MGA: variants seen among roughly 807,000 people sequenced by gnomAD.
MGA encodes the protein MAX gene-associated protein.
In MGA, 40 loss-of-function variants were observed where a neutral mutation model predicts 261.1. The ratio of observed to expected loss-of-function variants is 0.15; its 90% CI spans 0.12 to 0.20. MGA has a LOEUF of 0.20. Ranked by LOEUF, MGA falls within the 10% of genes least tolerant of loss-of-function variation. MGA has a pLI of 1.00. For missense variants in MGA, 3,397 were observed against 3,630.5 expected, an observed-to-expected ratio of 0.94 and a Z score of 1.65; for synonymous variants, 1,302 against 1,290.6, an observed-to-expected ratio of 1.01 and a Z score of -0.19.
At chr15:41,741,942 C>T (rs1473590244) in intron 14 of MGA, among the ~76,000 whole-genome samples, 1 of 151,692 alleles carries the variant, frequency 6.6e-6, no homozygotes, top group Non-Finnish European at 1.5e-5. Context: ...GAACTCCTGA[C>T]CTCGTGATCT....
chr15:41,679,324 A>G (rs1042111477), intron 2 of MGA, among the ~76,000 whole-genome samples: 6 of 152,286 alleles, frequency 3.9e-5, no homozygotes, highest in African/African-American at 9.6e-5. Flanking sequence ...GATTATAGGC[A>G]TGAGCCACCG....
intron 1 of MGA, among the ~76,000 whole-genome samples, chr15:41,643,953 C>T (rs1030456855): frequency 6.7e-6 from 1 of 150,002 alleles, no homozygotes; most frequent in Non-Finnish European, 1.5e-5. Context: ...ATAGTTTCAG[C>T]ACTTACTTTT....
intron 2 of MGA, 82 bp downstream of exon 2, chr15:41,670,040 G>A (rs906422552): frequency 2.7e-6 from 3 of 1,109,484 alleles, no homozygotes; most frequent in Non-Finnish European, 3.9e-6. Flanking sequence ...TTGGTTCTGT[G>A]GAATGCTACA....
At position 41,674,934 on chromosome 15, in the gene MGA, T is replaced by C. The variant is rs1160246957; in HGVS notation, c.1064+4976T>C. 2.0e-5 allele frequency among the ~76,000 whole-genome samples: 3 copies of C among 152,386 alleles called. No homozygotes were observed. In the East Asian group the frequency reaches 5.8e-4, roughly 29 times the overall value. ...AGAGAATTCCAGCTGAATTTTTCTT[T>C]TTACTTTAAATCCTCCCCTTTTTTT... On this transcript the variant is annotated intron_variant, in intron 2 of 23. Coordinates refer to ENST00000219905, the MANE Select transcript of MGA (RefSeq NM_001164273.2).
Position 41,768,860 on chromosome 15 carries a change from G to T in MGA, c.*1580G>T, listed in dbSNP as rs2063921598. 7.0e-6 allele frequency: 1 copy of T among 142,086 alleles called. No individual in the cohort carries two copies. Among genetic ancestry groups the T allele is most frequent in the African/African-American group, 2.6e-5 (1 of 38,156 alleles). 8.8% of individuals were successfully genotyped at this position (142,086 alleles called of 1,614,324 possible). ...GTTGGTTCCCTTTCTGTTAACTCTG[G>T]TAATCAACAGATTGAAAACGGTGGA... is the stretch of plus-strand genomic sequence containing the variant. On this transcript the variant is annotated 3_prime_UTR_variant, in exon 24 of 24. Transcript: ENST00000219905.
chr15:41,654,850 C>G (rs1334356440), intron 1 of MGA, among the ~76,000 whole-genome samples: 1 of 152,174 alleles, frequency 6.6e-6, no homozygotes, highest in South Asian at 2.1e-4. Flanking sequence ...AACAAATTCA[C>G]TGTTACTAAA....
intron 1 of MGA, among the ~76,000 whole-genome samples, chr15:41,645,277 C>T (rs1206339654): frequency 6.6e-6 from 1 of 152,150 alleles, no homozygotes; most frequent in Non-Finnish European, 1.5e-5. Context: ...GCCTGTTAGT[C>T]TCTTGGAAGG....
In MGA at chr15:41,715,217, T is replaced by G. The variant is rs1315922251; in HGVS notation, c.3430+1721T>G. Among the ~76,000 whole-genome samples the G allele has an allele frequency of 3.3e-5, 5 of 150,946 alleles. No individual in the cohort carries two copies. In the East Asian group the frequency reaches 9.8e-4, roughly 30 times the overall value. ...CAGGCTGGAGTGCAGTGGCACGATC[T>G]CGGCTCACTGCAACCTCCACCTCTT... is the stretch of plus-strand genomic sequence containing the variant. On this transcript the variant is annotated intron_variant, in intron 9 of 23. Coordinates refer to ENST00000219905, the MANE Select transcript of MGA (RefSeq NM_001164273.2).
In MGA at chr15:41,767,411, G is replaced by A. The variant is rs2063854689; in HGVS notation, c.*131G>A. 1 of 931,510 alleles carries A rather than the reference G, an allele frequency of 1.1e-6. No individual in the cohort carries two copies. Among genetic ancestry groups the A allele is most frequent in the Non-Finnish European group, 1.6e-6 (1 of 622,738 alleles). 57.7% of individuals were successfully genotyped at this position (931,510 alleles called of 1,614,324 possible). On this transcript the variant is annotated 3_prime_UTR_variant, in exon 24 of 24. Transcript: ENST00000219905. ...TTCAATGATGCAGTGGATAATGATG[G>A]GAGAAAGGGGGTAGGGTGCTGACCC...
In MGA at chr15:41,706,181, G is replaced by C. The variant is rs946334725; in HGVS notation, c.2189-1547G>C. ...GAACCAGGAAGGCGGAGGTTGCAGT[G>C]AGCCGAGATTACACCATTGCACTCT... On this transcript the variant is annotated intron_variant, in intron 5 of 23. Coordinates refer to ENST00000219905, the MANE Select transcript of MGA (RefSeq NM_001164273.2). 2.7e-5 allele frequency among the ~76,000 whole-genome samples: 4 copies of C among 149,722 alleles called. No homozygotes were observed. The South Asian group carries it at 8.4e-4, about 31-fold the overall frequency.
At chr15:41,680,868 T>G (rs1401121033) in intron 2 of MGA, among the ~76,000 whole-genome samples, 1 of 152,244 alleles carries the variant, frequency 6.6e-6, no homozygotes, top group Non-Finnish European at 1.5e-5. Context: ...TAATCTTCAG[T>G]TCTTTTCCCC....
At chr15:41,628,832 G>A (rs770332300) in intron 1 of MGA, among the ~76,000 whole-genome samples, 2 of 152,112 alleles carry the variant, frequency 1.3e-5, no homozygotes, top group African/African-American at 2.4e-5. Context: ...ACATCGCTTT[G>A]CTGCAGAGGC....
chr15:41,647,307 C>A (rs1312850777), intron 1 of MGA, among the ~76,000 whole-genome samples: 5 of 152,308 alleles, frequency 3.3e-5, no homozygotes, highest in Non-Finnish European at 7.3e-5. Flanking sequence ...ATTGCACTTA[C>A]ATTTATAGTT....
chr15:41,764,742 C>T (rs963213689), intron 22 of MGA, 144 bp from the exon 23 acceptor site: 3 of 772,928 alleles, frequency 3.9e-6, no homozygotes, highest in Admixed American at 5.7e-5. Context: ...TGGGGTCTCA[C>T]CATGTTTCCC....
intron 2 of MGA, among the ~76,000 whole-genome samples, chr15:41,682,335 G>A (rs757770474): frequency 6.6e-6 from 1 of 151,974 alleles, no homozygotes; most frequent in East Asian, 1.9e-4. Flanking sequence ...TACCTCCTCT[G>A]CATACTTCTT....
intron 2 of MGA, among the ~76,000 whole-genome samples, chr15:41,674,446 C>T (rs2151013973): frequency 6.6e-6 from 1 of 152,322 alleles, no homozygotes; most frequent in Non-Finnish European, 1.5e-5. Flanking sequence ...GGCCTGCTCA[C>T]CTCAGCCTCC....
chr15:41,648,501 A>G (rs2056977521), intron 1 of MGA, among the ~76,000 whole-genome samples: 1 of 152,230 alleles, frequency 6.6e-6, no homozygotes, highest in Non-Finnish European at 1.5e-5. Flanking sequence ...AGAACAGGGT[A>G]CTTTGAGAGA....
intron 1 of MGA, among the ~76,000 whole-genome samples, chr15:41,638,934 C>T (rs781463691): frequency 5.2e-4 from 79 of 152,128 alleles, no homozygotes; most frequent in Non-Finnish European, 9.3e-4. Context: ...TGGTCTTGCA[C>T]TCTTGGGATC....
chr15:41,691,642 C>A (rs760133846), intron 2 of MGA: 1 of 518,008 alleles, frequency 1.9e-6, no homozygotes, highest in Non-Finnish European at 4.0e-6. Context: ...TCTGAATGAT[C>A]TCAGCTGTCT....
Sources: allele counts gnomAD v4.1 joint callset (sites outside exome capture counted in the v4.1 genomes callset), GRCh38; gene constraint gnomAD v4.1.1; transcripts MANE v1.5; gene names NCBI Gene and HGNC (gene_info 2026-07-23, HGNC 2026-07-21).